Variants in SGCD observed in about 807,000 individuals in gnomAD.
SGCD encodes the protein delta-sarcoglycan.
A neutral mutation model predicts 36.6 loss-of-function variants in SGCD; 18 were observed. The ratio of observed to expected loss-of-function variants is 0.49; its 90% CI spans 0.34 to 0.73. SGCD has a LOEUF of 0.73. Among genes scored for constraint, SGCD ranks in the 30% least tolerant of loss-of-function variants. The pLI, the probability that SGCD is intolerant of heterozygous loss-of-function variation, is 0.01. For synonymous variants in SGCD, 133 were observed against 130.6 expected, an observed-to-expected ratio of 1.02 and a Z score of -0.12; for missense variants, 387 against 346.7, an observed-to-expected ratio of 1.12 and a Z score of -0.92.
chr5:156,613,256 T>C (rs192550241), intron 6 of SGCD, among the ~76,000 whole-genome samples: 3 of 152,352 alleles, frequency 2.0e-5, no homozygotes, highest in African/African-American at 7.2e-5. Flanking sequence ...TGTTTCATTG[T>C]GGTAATAGCT....
At chr5:156,181,633 G>A (rs1763609478) in intron 3 of SGCD, among the ~76,000 whole-genome samples, 1 of 152,192 alleles carries the variant, frequency 6.6e-6, no homozygotes, top group Non-Finnish European at 1.5e-5. Flanking sequence ...AGTAGGGCTG[G>A]CAGTTAAAGT....
At chr5:156,601,873 G>T (rs932316897) in intron 6 of SGCD, among the ~76,000 whole-genome samples, 1 of 136,312 alleles carries the variant, frequency 7.3e-6, no homozygotes, top group Non-Finnish European at 1.5e-5. Flanking sequence ...TAGTAGAGAC[G>T]GGTTTCACCG....
At chr5:156,340,001 T>G (rs1185431919) in intron 2 of SGCD, among the ~76,000 whole-genome samples, 1 of 152,218 alleles carries the variant, frequency 6.6e-6, no homozygotes, top group Non-Finnish European at 1.5e-5. Flanking sequence ...TTTATGGCAA[T>G]TTTGACAAAA....
At chr5:156,271,034 A>C (rs1466424646) in intron 3 of SGCD, among the ~76,000 whole-genome samples, 10 of 152,234 alleles carry the variant, frequency 6.6e-5, no homozygotes, top group Admixed American at 3.9e-4. Flanking sequence ...GGAACTGATA[A>C]AATGGCTTAA....
At chr5:156,290,104 A>G (rs1249246975) in intron 3 of SGCD, among the ~76,000 whole-genome samples, 1 of 152,178 alleles carries the variant, frequency 6.6e-6, no homozygotes, top group East Asian at 1.9e-4. Context: ...TAATAATAGC[A>G]AACACTTAGT....
chr5:155,743,397 G>C, the SGCD span, among the ~76,000 whole-genome samples: 1 of 152,126 alleles, frequency 6.6e-6, no homozygotes, highest in Non-Finnish European at 1.5e-5. Flanking sequence ...CAGTCTACAA[G>C]AATTTTAGGA....
intron 3 of SGCD, among the ~76,000 whole-genome samples, chr5:156,180,097 G>T (rs760497652): frequency 1.6e-4 from 25 of 152,288 alleles, no homozygotes; most frequent in Non-Finnish European, 2.5e-4. Context: ...TCTTTAAAGG[G>T]AAACTTAAAG....
chr5:156,584,341 C>T (rs1476857713), intron 4 of SGCD, among the ~76,000 whole-genome samples: 6 of 152,166 alleles, frequency 3.9e-5, no homozygotes, highest in South Asian at 2.1e-4. Flanking sequence ...TCACTGCAAA[C>T]GTTGAGACTG....
intron 3 of SGCD, among the ~76,000 whole-genome samples, chr5:156,153,942 T>C (rs1762888223): frequency 6.6e-6 from 1 of 151,666 alleles, no homozygotes; most frequent in East Asian, 1.9e-4. Context: ...TTGGTAAGCA[T>C]TGGAACACTT....
At chr5:155,851,946 T>A in the SGCD span, among the ~76,000 whole-genome samples, 1 of 152,198 alleles carries the variant, frequency 6.6e-6, no homozygotes, top group African/African-American at 2.4e-5. Context: ...CTGTCCTCAA[T>A]TGACTGAGCT....
chr5:155,927,129 T>C (rs377060987), intron 1 of SGCD, among the ~76,000 whole-genome samples: 1 of 152,338 alleles, frequency 6.6e-6, no homozygotes, highest in African/African-American at 2.4e-5. Context: ...TATATTTCTG[T>C]CTGTCATCTC....
At chr5:155,835,781 C>T in the SGCD span, among the ~76,000 whole-genome samples, 1 of 152,160 alleles carries the variant, frequency 6.6e-6, no homozygotes, top group Non-Finnish European at 1.5e-5. Context: ...CAGTTACCCA[C>T]TGTCCAAAAG....
At chr5:155,870,946 C>T (rs945434316) in intron 1 of SGCD, among the ~76,000 whole-genome samples, 1 of 152,134 alleles carries the variant, frequency 6.6e-6, no homozygotes, top group Non-Finnish European at 1.5e-5. Flanking sequence ...AAGCAAATTA[C>T]TCAAGATGAA....
At chr5:156,494,014 A>G (rs979355284) in intron 3 of SGCD, among the ~76,000 whole-genome samples, 4 of 152,114 alleles carry the variant, frequency 2.6e-5, no homozygotes, top group Non-Finnish European at 5.9e-5. Context: ...CAAATCAAGT[A>G]AGTGCTAAAT....
At chr5:156,557,933 A>ATATAAATCCAAATGGATATAATTCTT (rs1346027792) in intron 4 of SGCD, among the ~76,000 whole-genome samples, 1 of 151,610 alleles carries the variant, frequency 6.6e-6, no homozygotes, top group Non-Finnish European at 1.5e-5. Flanking sequence ...CCTGATTTGG[A>ATATAAATCCAAATGGATATAATTCTT]GAGTTGTCCA....
At chr5:155,731,770 A>G in the SGCD span, among the ~76,000 whole-genome samples, 2 of 152,160 alleles carry the variant, frequency 1.3e-5, no homozygotes, top group Non-Finnish European at 2.9e-5. Context: ...AATACAGACT[A>G]CTGGACCCAC....
chr5:156,512,352 T>C (rs995243191), intron 4 of SGCD, among the ~76,000 whole-genome samples: 1 of 152,214 alleles, frequency 6.6e-6, no homozygotes, highest in African/African-American at 2.4e-5. Context: ...CTGTACTTTT[T>C]CTATGTTTAG....
At chr5:155,735,659 A>T in the SGCD span, among the ~76,000 whole-genome samples, 1,379 of 152,332 alleles carry the variant, frequency 9.1e-3, 28 homozygotes, top group African/African-American at 0.032. Flanking sequence ...TTGCAAGCAT[A>T]GGTAGATACA....
intron 3 of SGCD, among the ~76,000 whole-genome samples, chr5:156,366,636 G>C (rs7700863): frequency 5.9e-5 from 9 of 152,186 alleles, no homozygotes; most frequent in Non-Finnish European, 1.0e-4. Flanking sequence ...CTAAGAATGA[G>C]AGAAATTCTT....
Sources: allele counts gnomAD v4.1 joint callset (sites outside exome capture counted in the v4.1 genomes callset), GRCh38; gene constraint gnomAD v4.1.1; transcripts MANE v1.5; gene names NCBI Gene and HGNC (gene_info 2026-07-23, HGNC 2026-07-21).